The following EBNA1BP2 variants were observed in gnomAD, a reference collection of about 807,000 sequenced individuals.
EBNA1BP2 encodes the protein EBNA1 binding protein 2.
In EBNA1BP2, 36 loss-of-function variants were observed where a neutral mutation model predicts 43.5. The ratio of observed to expected loss-of-function variants is 0.83; its 90% CI spans 0.63 to 1.09. EBNA1BP2 has a LOEUF of 1.09. Among genes scored for constraint, EBNA1BP2 ranks in the 50% least tolerant of loss-of-function variants. The pLI is 0.00. For synonymous variants in EBNA1BP2, 127 were observed against 141.3 expected, an observed-to-expected ratio of 0.90 and a Z score of 0.72; for missense variants, 332 against 379.1, an observed-to-expected ratio of 0.88 and a Z score of 1.03.
intron 4 of EBNA1BP2, among the ~76,000 whole-genome samples, chr1:43,169,550 A>T (rs774523450): frequency 2.0e-5 from 3 of 152,206 alleles, no homozygotes; most frequent in African/African-American, 4.8e-5. Flanking sequence ...TTGAGACCCC[A>T]GGGTACTATT....
chr1:43,171,076 G>A (rs1254243483), intron 3 of EBNA1BP2, 197 bp from the exon 4 acceptor site: 12 of 730,296 alleles, frequency 1.6e-5, no homozygotes, highest in South Asian at 2.7e-5. Context: ...TTTAAAAAGG[G>A]GAGGGGTGTT....
At position 43,172,269 on chromosome 1, in the gene EBNA1BP2, C is replaced by G. The variant is rs2124179700; in HGVS notation, c.-151G>C. 2 of 1,553,176 alleles carry G rather than the reference C, an allele frequency of 1.3e-6. No individual in the cohort carries two copies. Among genetic ancestry groups the G allele is most frequent in the Middle Eastern group, 1.7e-4 (1 of 5,990 alleles). On this transcript the variant is annotated 5_prime_UTR_variant, in exon 1 of 9. Coordinates refer to ENST00000236051, the MANE Select transcript of EBNA1BP2 (RefSeq NM_006824.3). The stretch of plus-strand genomic sequence containing the variant: ...ACGTGCCACCGAATCGCTCCAGCGC[C>G]AGCAACTCACAGCTACTGCTCAACT...
In EBNA1BP2 at chr1:43,164,469, C is replaced by T; in HGVS notation, c.895G>A (p.Glu299Lys). The T allele has an allele frequency of 1.2e-6, 2 of 1,614,160 alleles. No homozygotes were observed. Among genetic ancestry groups the T allele is most frequent in the Non-Finnish European group, 1.7e-6 (2 of 1,180,032 alleles). The change falls in exon 9 of 9, where the codon GAG becomes AAG. Residue 299 changes from glutamate (E) to lysine (K), a missense_variant. Glu to Lys is a moderately conservative substitution (Grantham distance 56). Coordinates refer to ENST00000236051, the MANE Select transcript of EBNA1BP2 (RefSeq NM_006824.3). ...SNKRPGKRTR[E>K]KMKNRTH is the part of the protein sequence containing the mutation. ...TAGTGTGTTCTGTTCTTCATCTTCT[C>T]TCTTGTTCGTTTTCCAGGTCTCTTC...
chr1:43,172,336 G>A, upstream of EBNA1BP2: 1 of 1,551,598 alleles, frequency 6.4e-7, no homozygotes, highest in Non-Finnish European at 8.7e-7. Context: ...CCATACTTCC[G>A]GTTTGTCGTT....
At chr1:43,166,002 C>T (rs1644915671) in intron 7 of EBNA1BP2, among the ~76,000 whole-genome samples, 1 of 152,216 alleles carries the variant, frequency 6.6e-6, no homozygotes, top group South Asian at 2.1e-4. Flanking sequence ...TATCATAGCA[C>T]TTACTATCTT....
At chr1:43,164,835 C>T (rs1257870870) in intron 7 of EBNA1BP2, 30 bp from the exon 8 acceptor site, 3 of 1,611,534 alleles carry the variant, frequency 1.9e-6, no homozygotes, top group African/African-American at 2.7e-5. Flanking sequence ...GACATCACTA[C>T]AGCACTGTAA....
rs1644907526 is a variant in EBNA1BP2 at position 43,164,762 on chromosome 1, C to T, written c.751G>A (p.Gly251Ser). Reference protein sequence around the residue: ...RRYKNQKFGFGGKKKGSKWNT... With the variant: ...RRYKNQKFGFSGKKKGSKWNT... ...CACTTTGAGCCTTTCTTCTTTCCAC[C>T]AAAACCAAACTTCTGGTTTTTATAC... is the stretch of plus-strand genomic sequence containing the variant. The change falls in exon 8 of 9, where the codon GGT becomes AGT. Residue 251 changes from glycine to serine, a missense_variant. Around this residue, in one of 3 missense-constraint regions of EBNA1BP2, gnomAD observed 91 missense variants for 152.1 expected, o/e 0.60. Coordinates refer to ENST00000236051, the MANE Select transcript of EBNA1BP2 (RefSeq NM_006824.3). 1 of 1,614,090 alleles carries T rather than the reference C, an allele frequency of 6.2e-7. No individual in the cohort carries two copies.
intron 5 of EBNA1BP2, among the ~76,000 whole-genome samples, chr1:43,168,633 A>G (rs1271855703): frequency 6.6e-6 from 1 of 152,148 alleles, no homozygotes; most frequent in Non-Finnish European, 1.5e-5. Context: ...TCTGTTTTGA[A>G]AAATTTCCCC....
At chr1:43,172,426 G>C (rs1644998306), upstream of EBNA1BP2, 2 of 1,551,054 alleles carry the variant, frequency 1.3e-6, no homozygotes, top group East Asian at 2.4e-5. Flanking sequence ...ATACATGCGT[G>C]GTCTGCTGAC....
At chr1:43,171,728 G>A (rs746633667) in intron 2 of EBNA1BP2, 77 bp from the exon 3 acceptor site, 3 of 1,579,210 alleles carry the variant, frequency 1.9e-6, no homozygotes, top group Admixed American at 3.5e-5. Flanking sequence ...GTTAGGCGAA[G>A]GGACAAAGTG....
intron 4 of EBNA1BP2, among the ~76,000 whole-genome samples, chr1:43,170,442 T>C (rs1644948479): frequency 1.3e-5 from 2 of 152,258 alleles, no homozygotes; most frequent in African/African-American, 4.8e-5. Flanking sequence ...GGCACAAGAA[T>C]GCTGTCCTCT....
intron 7 of EBNA1BP2, among the ~76,000 whole-genome samples, 179 bp downstream of exon 7, chr1:43,166,645 CAA>C (rs1644920154): frequency 6.6e-6 from 1 of 152,154 alleles, no homozygotes. Context: ...TTTTACTCTT[CAA>C]AGACTGACAT....
chr1:43,171,854 C>T (rs946253086), intron 2 of EBNA1BP2, 32 bp downstream of exon 2: 3 of 1,610,644 alleles, frequency 1.9e-6, no homozygotes, highest in African/African-American at 2.7e-5. Context: ...CATCCCATGT[C>T]CGAGTACCCC....
In EBNA1BP2 at chr1:43,167,327, C is replaced by T. The variant is rs1459480543; in HGVS notation, c.538-92G>A. On this transcript the variant is annotated intron_variant, in intron 5 of 8. Coordinates refer to ENST00000236051, the MANE Select transcript of EBNA1BP2 (RefSeq NM_006824.3). ...AATAGCAACACCATGATTAATACCA[C>T]TACCCTCTGACATTTACTACGTGCC... The T allele has an allele frequency of 2.5e-6, 3 of 1,194,540 alleles. No homozygotes were observed. The African/African-American group carries it at 4.5e-5, about 18-fold the overall frequency. 74.0% of individuals were successfully genotyped at this position (1,194,540 alleles called of 1,614,324 possible). A position where few individuals can be genotyped will look rare whatever the true frequency, so the allele number is the denominator to read the frequency against.
At chr1:43,172,417 T>C (rs781669513), upstream of EBNA1BP2, 49 of 1,551,340 alleles carry the variant, frequency 3.2e-5, no homozygotes, top group Non-Finnish European at 4.3e-5. Flanking sequence ...CGCCTCTGGA[T>C]ACATGCGTGG....
rs757532225 is a variant in EBNA1BP2 at position 43,167,243 on chromosome 1, A to G, written c.538-8T>C. ...AAGAACCTCCGTTTGCACCTGTGAT[A>G]TGAACACAAGGACCGTTACAGCCAT... On this transcript the variant is annotated splice_polypyrimidine_tract_variant and splice_region_variant and intron_variant, in intron 5 of 8. Transcript: ENST00000236051. 2.5e-6 allele frequency: 4 copies of G among 1,614,016 alleles called. No individual in the cohort carries two copies. The highest frequency in any genetic ancestry group is 1.3e-5 in the African/African-American group (1 of 75,052).
chr1:43,165,588 T>C (rs1265261137), intron 7 of EBNA1BP2, among the ~76,000 whole-genome samples: 1 of 152,182 alleles, frequency 6.6e-6, no homozygotes, highest in African/African-American at 2.4e-5. Context: ...TTATACAAAA[T>C]CCACTGTGAT....
chr1:43,167,107 A>G, intron 6 of EBNA1BP2, 53 bp downstream of exon 6: 1 of 1,588,418 alleles, frequency 6.3e-7, no homozygotes, highest in East Asian at 2.2e-5. Flanking sequence ...TAAGTGTTCA[A>G]ATCAACTCTA....
intron 4 of EBNA1BP2, 91 bp downstream of exon 4, chr1:43,170,665 C>T (rs544967440): frequency 1.3e-5 from 20 of 1,520,046 alleles, no homozygotes; most frequent in Non-Finnish European, 1.6e-5. Flanking sequence ...ACTGGCTCCC[C>T]GTTATTGGGC....
Sources: allele counts gnomAD v4.1 joint callset (sites outside exome capture counted in the v4.1 genomes callset), GRCh38; gene constraint gnomAD v4.1.1; regional missense constraint gnomAD v4.1.1; transcripts MANE v1.5; gene names NCBI Gene and HGNC (gene_info 2026-07-23, HGNC 2026-07-21).